Variants in B4GALT5 observed in about 807,000 individuals in gnomAD.
The protein encoded by B4GALT5 is beta-1,4-galactosyltransferase 5, also known as UDP-Gal:beta-GlcNAc beta-1,4-galactosyltransferase 5.
B4GALT5 carries 11 observed loss-of-function variants against 45.0 expected under a neutral mutation model. The ratio of observed to expected loss-of-function variants is 0.24; its 90% CI spans 0.15 to 0.40. B4GALT5 has a LOEUF of 0.40. B4GALT5 is among the 10% of genes least tolerant of loss of function. The pLI, the probability that B4GALT5 is intolerant of heterozygous loss-of-function variation, is 1.00. For missense variants in B4GALT5, 337 were observed against 500.2 expected (o/e 0.67, Z 3.11); for synonymous variants, 185 against 182.9 (o/e 1.01, Z -0.09).
chr20:49,708,079 C>CAAA (rs11469156), intron 1 of B4GALT5, among the ~76,000 whole-genome samples: 3 of 119,158 alleles, frequency 2.5e-5, no homozygotes, highest in Non-Finnish European at 5.2e-5. Flanking sequence ...ACTAAAAATA[C>CAAA]AAAAAAAAAA....
chr20:49,657,408 C>T (rs1480519423), intron 1 of B4GALT5, among the ~76,000 whole-genome samples: 1 of 152,140 alleles, frequency 6.6e-6, no homozygotes, highest in Non-Finnish European at 1.5e-5. Context: ...GGAAAGTGAT[C>T]TCCACTTGCA....
intron 3 of B4GALT5, among the ~76,000 whole-genome samples, chr20:49,645,513 C>G (rs2085595240): frequency 6.6e-6 from 1 of 152,136 alleles, no homozygotes; most frequent in Non-Finnish European, 1.5e-5. Context: ...CTTTGAGAGG[C>G]TGAGGTGGGC....
At chr20:49,693,961 A>G (rs2085826958) in intron 1 of B4GALT5, among the ~76,000 whole-genome samples, 1 of 152,216 alleles carries the variant, frequency 6.6e-6, no homozygotes, top group East Asian at 1.9e-4. Flanking sequence ...TGCACCTGGA[A>G]GATAACTCAA....
intron 1 of B4GALT5, among the ~76,000 whole-genome samples, chr20:49,706,718 C>A (rs761149823): frequency 6.6e-6 from 1 of 152,192 alleles, no homozygotes; most frequent in Non-Finnish European, 1.5e-5. Context: ...TCAGCCCACA[C>A]CCAACCTGCT....
At chr20:49,693,216 C>T (rs2085823932) in intron 1 of B4GALT5, among the ~76,000 whole-genome samples, 1 of 152,208 alleles carries the variant, frequency 6.6e-6, no homozygotes, top group South Asian at 2.1e-4. Flanking sequence ...TTTGTGAATT[C>T]ATCCTGAAAA....
At chr20:49,660,996 T>C (rs565510336) in intron 1 of B4GALT5, among the ~76,000 whole-genome samples, 5 of 152,318 alleles carry the variant, frequency 3.3e-5, no homozygotes, top group African/African-American at 1.2e-4. Flanking sequence ...TTAATAAACT[T>C]AGGCCATGGC....
intron 1 of B4GALT5, among the ~76,000 whole-genome samples, chr20:49,660,321 T>C (rs2085660194): frequency 6.6e-6 from 1 of 152,138 alleles, no homozygotes; most frequent in Admixed American, 6.5e-5. Context: ...TTTTTGGAGA[T>C]TCACAATGCA....
At chr20:49,705,597 T>C (rs2085880510) in intron 1 of B4GALT5, among the ~76,000 whole-genome samples, 1 of 152,152 alleles carries the variant, frequency 6.6e-6, no homozygotes, top group Non-Finnish European at 1.5e-5. Context: ...CGCAGCAGTC[T>C]GGGGAGGAGA....
At chr20:49,660,687 T>C (rs1443988527) in intron 1 of B4GALT5, among the ~76,000 whole-genome samples, 1 of 152,206 alleles carries the variant, frequency 6.6e-6, no homozygotes, top group Non-Finnish European at 1.5e-5. Context: ...GGTGTCTCTA[T>C]TAAAAGTCTT....
At chr20:49,649,128 G>A (rs1453009639) in intron 2 of B4GALT5, among the ~76,000 whole-genome samples, 2 of 152,156 alleles carry the variant, frequency 1.3e-5, no homozygotes, top group African/African-American at 2.4e-5. Context: ...TACTCTGCAA[G>A]TACTCTGGGG....
chr20:49,700,990 G>T (rs189473978), intron 1 of B4GALT5, among the ~76,000 whole-genome samples: 3 of 152,198 alleles, frequency 2.0e-5, no homozygotes, highest in Admixed American at 2.0e-4. Flanking sequence ...AGATGAATTG[G>T]CCCTCAATTA....
At chr20:49,688,741 C>G (rs1184531883) in intron 1 of B4GALT5, among the ~76,000 whole-genome samples, 1 of 152,066 alleles carries the variant, frequency 6.6e-6, no homozygotes, top group East Asian at 1.9e-4. Context: ...GAGTTCGAGA[C>G]CAGCCTGACC....
intron 1 of B4GALT5, among the ~76,000 whole-genome samples, chr20:49,698,746 C>T (rs1040730285): frequency 6.6e-6 from 1 of 152,188 alleles, no homozygotes; most frequent in Non-Finnish European, 1.5e-5. Context: ...ACCTGCCACC[C>T]TGTGCCTGTG....
intron 1 of B4GALT5, among the ~76,000 whole-genome samples, chr20:49,673,349 C>G (rs2085723915): frequency 6.6e-6 from 1 of 151,044 alleles, no homozygotes; most frequent in South Asian, 2.1e-4. Context: ...CACTGCACCC[C>G]AGCCTGGGTG....
intron 1 of B4GALT5, chr20:49,684,655 C>A (rs754583713): frequency 3.9e-5 from 20 of 518,626 alleles, no homozygotes; most frequent in South Asian, 2.8e-4. Flanking sequence ...AAGTACTGAT[C>A]TACAACAGAA....
intron 1 of B4GALT5, 70 bp from the exon 2 acceptor site, chr20:49,656,772 C>T: frequency 1.3e-6 from 2 of 1,582,164 alleles, no homozygotes; most frequent in Non-Finnish European, 1.7e-6. Context: ...TACCACATAG[C>T]TATGGATTTT....
At chr20:49,658,550 TGCC>T (rs2085652583) in intron 1 of B4GALT5, among the ~76,000 whole-genome samples, 1 of 152,160 alleles carries the variant, frequency 6.6e-6, no homozygotes, top group African/African-American at 2.4e-5. Context: ...TATAGTAAGG[TGCC>T]GCCAAGAACT....
chr20:49,704,274 T>C (rs574100453), intron 1 of B4GALT5, among the ~76,000 whole-genome samples: 2 of 152,174 alleles, frequency 1.3e-5, no homozygotes, highest in South Asian at 4.1e-4. Flanking sequence ...AAGAAGAAGG[T>C]TTAAATGTCA....
chr20:49,680,065 T>A (rs1028704642), intron 1 of B4GALT5, among the ~76,000 whole-genome samples: 1 of 152,234 alleles, frequency 6.6e-6, no homozygotes, highest in East Asian at 1.9e-4. Context: ...TCAGGTTTTC[T>A]ATCTATTTCA....
Sources: gnomAD v4.1 joint callset for allele counts (sites outside exome capture counted in the v4.1 genomes callset) on GRCh38, gnomAD v4.1.1 for gene constraint, MANE v1.5 for transcripts, NCBI Gene and HGNC (gene_info 2026-07-23, HGNC 2026-07-21) for gene names.